ERBIN: variants seen among roughly 807,000 people sequenced by gnomAD.
ERBIN encodes densin-180-like protein.
In ERBIN, 60 loss-of-function variants were observed where a neutral mutation model predicts 158.4. The observed-to-expected ratio is 0.38, with a 90% CI of 0.31 to 0.47. The LOEUF is 0.47. Among genes scored for constraint, ERBIN ranks in the 20% least tolerant of loss-of-function variants. ERBIN has a pLI of 0.99. For missense variants in ERBIN, 1,610 were observed against 1,648.0 expected, an observed-to-expected ratio of 0.98 and a Z score of 0.40; for synonymous variants, 594 against 557.2, an observed-to-expected ratio of 1.07 and a Z score of -0.93.
intron 14 of ERBIN, among the ~76,000 whole-genome samples, chr5:66,028,979 C>CT (rs1420672656): frequency 1.3e-5 from 2 of 152,042 alleles, no homozygotes; most frequent in African/African-American, 2.4e-5. Context: ...GGATTTCCTT[C>CT]TTTTTTAAGG....
intron 14 of ERBIN, among the ~76,000 whole-genome samples, chr5:66,037,151 T>A (rs561680411): frequency 6.6e-6 from 1 of 152,294 alleles, no homozygotes; most frequent in South Asian, 2.1e-4. Context: ...ATTGTTCATC[T>A]GCTAAGAAGC....
At chr5:65,945,633 A>G (rs1745647139) in intron 1 of ERBIN, among the ~76,000 whole-genome samples, 1 of 152,228 alleles carries the variant, frequency 6.6e-6, no homozygotes, top group Non-Finnish European at 1.5e-5. Flanking sequence ...AAACTTAAAT[A>G]TATAAACTAT....
Position 66,047,078 on chromosome 5 carries a change from A to T in ERBIN, c.1788+540A>T, listed in dbSNP as rs1191071093. On this transcript the variant is annotated intron_variant, in intron 18 of 25. Coordinates refer to ENST00000284037, the MANE Select transcript of ERBIN (RefSeq NM_001253697.2). ...CCATTACTACAGTGACTTTTAGAAC[A>T]TGTTTCTCACCCCAGAAAGAAATTC... Among the ~76,000 whole-genome samples the T allele has an allele frequency of 1.3e-5, 2 of 152,096 alleles. 1 individual carries two copies. Among genetic ancestry groups the T allele is most frequent in the South Asian group, 4.1e-4 (2 of 4,834 alleles).
intron 2 of ERBIN, among the ~76,000 whole-genome samples, chr5:65,989,635 A>G (rs532478749): frequency 2.0e-5 from 3 of 152,216 alleles, no homozygotes; most frequent in Non-Finnish European, 4.4e-5. Context: ...ACTTGACCCT[A>G]TAAATTGTCT....
chr5:66,001,217 C>T (rs7713392), intron 4 of ERBIN, among the ~76,000 whole-genome samples: 6,101 of 151,994 alleles, frequency 0.04, 415 homozygotes, highest in African/African-American at 0.14. Context: ...ATTACTGTTT[C>T]GCTTATATTT....
Position 66,054,101 on chromosome 5 carries a change from C to G in ERBIN, c.2783C>G (p.Thr928Ser), listed in dbSNP as rs1759336705. The change falls in exon 21 of 26, where the codon ACT (threonine) becomes AGT (serine). Residue 928 changes from threonine to serine, a missense_variant. By Grantham distance (58) the Thr-to-Ser change is moderately conservative (BLOSUM62 1). This residue lies in a region of ERBIN where 1,014 missense variants were observed against 936.1 expected (regional missense o/e 1.08). Transcript: ENST00000284037. Reference protein sequence around the residue: ...LLYDQPLQVFTGSSSSSDLIS... With the variant: ...LLYDQPLQVFSGSSSSSDLIS... ...TATGATCAACCATTGCAGGTATTTA[C>G]TGGTTCTTCCTCATCTTCTGATTTA... The G allele has an allele frequency of 1.9e-6, 3 of 1,614,156 alleles. No individual in the cohort carries two copies. The highest frequency in any genetic ancestry group is 2.5e-6 in the Non-Finnish European group (3 of 1,180,024).
rs1352146756 is a variant in ERBIN at position 65,971,565 on chromosome 5, A to G, written c.-57-17070A>G. 2.0e-5 allele frequency among the ~76,000 whole-genome samples: 3 copies of G among 152,228 alleles called. No individual in the cohort carries two copies. In the East Asian group the frequency reaches 5.8e-4, roughly 29 times the overall value. ...TGTAATAGTTTCTTATGGACACTCA[A>G]CAGCTAGAATGCAGTTAGTCTCAGA... On this transcript the variant is annotated intron_variant, in intron 1 of 25. Transcript: ENST00000284037.
chr5:65,999,190 C>T (rs1477453540), intron 4 of ERBIN, among the ~76,000 whole-genome samples: 4 of 149,996 alleles, frequency 2.7e-5, no homozygotes, highest in East Asian at 1.9e-4. Context: ...CGAATGTGGA[C>T]CCCGTCTCTA....
chr5:66,005,050 C>T (rs996508920), intron 4 of ERBIN, among the ~76,000 whole-genome samples: 5 of 152,024 alleles, frequency 3.3e-5, no homozygotes, highest in African/African-American at 1.2e-4. Flanking sequence ...TAATTCAGAG[C>T]ATGATGTGAC....
At chr5:66,058,039 G>C (rs1261572603) in intron 21 of ERBIN, among the ~76,000 whole-genome samples, 1 of 152,064 alleles carries the variant, frequency 6.6e-6, no homozygotes, top group Non-Finnish European at 1.5e-5. Flanking sequence ...TAATCCTTTA[G>C]GTATATACCC....
At chr5:66,047,768 G>C (rs1168694761) in intron 18 of ERBIN, among the ~76,000 whole-genome samples, 1 of 151,900 alleles carries the variant, frequency 6.6e-6, no homozygotes, top group Non-Finnish European at 1.5e-5. Flanking sequence ...AATACGCTAT[G>C]GTATGCACTG....
chr5:65,927,667 A>C (rs1476353219), intron 1 of ERBIN, among the ~76,000 whole-genome samples: 1 of 152,210 alleles, frequency 6.6e-6, no homozygotes, highest in African/African-American at 2.4e-5. Context: ...TTGTGATAAA[A>C]AGCTGTGCTT....
In ERBIN at chr5:66,076,358, A is replaced by G. The variant is rs756229968; in HGVS notation, c.4006A>G (p.Ile1336Val). The G allele has an allele frequency of 2.5e-6, 4 of 1,613,536 alleles. No individual in the cohort carries two copies. The highest frequency in any genetic ancestry group is 3.4e-6 in the Non-Finnish European group (4 of 1,179,822). ...VEKDPELGFS[I>V]SGGVGGRGNP... ...AAAGGATCCAGAACTTGGATTTAGCATATCAGGTGGTGTCGGGGGTAGAGG... is the reference window on the plus strand; with the variant it reads ...AAAGGATCCAGAACTTGGATTTAGCGTATCAGGTGGTGTCGGGGGTAGAGG... The change falls in exon 24 of 26, where the codon ATA (isoleucine) becomes GTA (valine). Residue 1336 changes from isoleucine to valine, a missense_variant. Transcript: ENST00000284037.
intron 1 of ERBIN, among the ~76,000 whole-genome samples, chr5:65,935,640 T>G (rs1312603526): frequency 6.6e-6 from 1 of 152,254 alleles, no homozygotes; most frequent in Non-Finnish European, 1.5e-5. Context: ...TCCAGTACTT[T>G]TACTCTTTAC....
intron 20 of ERBIN, among the ~76,000 whole-genome samples, chr5:66,052,939 A>G (rs1400037030): frequency 2.6e-5 from 4 of 152,184 alleles, no homozygotes; most frequent in Non-Finnish European, 1.5e-5. Context: ...TTCGTTAACT[A>G]TGGTTAATTT....
chr5:65,958,029 G>A (rs1183548462), intron 1 of ERBIN, among the ~76,000 whole-genome samples: 2 of 149,734 alleles, frequency 1.3e-5, no homozygotes, highest in African/African-American at 2.5e-5. Flanking sequence ...ACGGGGTGGC[G>A]GGGCAGAGGC....
intron 1 of ERBIN, among the ~76,000 whole-genome samples, chr5:65,962,479 A>G (rs1477493145): frequency 2.0e-5 from 3 of 152,220 alleles, no homozygotes; most frequent in East Asian, 1.9e-4. Flanking sequence ...CTGAATTTGT[A>G]TACTATGGTT....
At chr5:66,047,749 A>C (rs986872808) in intron 18 of ERBIN, among the ~76,000 whole-genome samples, 1 of 152,032 alleles carries the variant, frequency 6.6e-6, no homozygotes, top group South Asian at 2.1e-4. Context: ...AGGATGGTTA[A>C]TATCACTCAA....
chr5:66,042,865 A>G (rs1004070182), intron 15 of ERBIN, among the ~76,000 whole-genome samples: 2 of 152,084 alleles, frequency 1.3e-5, no homozygotes, highest in Non-Finnish European at 2.9e-5. Flanking sequence ...TCAGGGAAGA[A>G]AGGATATGTG....
Sources: allele counts gnomAD v4.1 joint callset (sites outside exome capture counted in the v4.1 genomes callset), GRCh38; gene constraint gnomAD v4.1.1; regional missense constraint gnomAD v4.1.1; transcripts MANE v1.5; gene names NCBI Gene and HGNC (gene_info 2026-07-23, HGNC 2026-07-21).